The following ARHGEF3 variants were observed in gnomAD, a reference collection of about 807,000 sequenced individuals.
ARHGEF3 encodes the protein 59.8 kDA protein.
A neutral mutation model predicts 63.2 loss-of-function variants in ARHGEF3; 28 were observed. The observed-to-expected ratio is 0.44, with a 90% CI of 0.33 to 0.61. The LOEUF is 0.61. Among genes scored for constraint, ARHGEF3 ranks in the 20% least tolerant of loss-of-function variants. ARHGEF3 has a pLI of 0.03. For synonymous variants in ARHGEF3, 266 were observed against 254.2 expected (o/e 1.05, Z -0.44); for missense variants, 533 against 659.3 (o/e 0.81, Z 2.10).
At chr3:56,841,426 A>T (rs2039304400) in intron 4 of ARHGEF3, among the ~76,000 whole-genome samples, 1 of 152,148 alleles carries the variant, frequency 6.6e-6, no homozygotes, top group Non-Finnish European at 1.5e-5. Context: ...GACATAACTT[A>T]CCCAGTTAGT....
chr3:56,973,605 G>C (rs1301177868), intron 2 of ARHGEF3, among the ~76,000 whole-genome samples: 5 of 152,044 alleles, frequency 3.3e-5, no homozygotes, highest in Admixed American at 2.6e-4. Context: ...ATGAGGGTAG[G>C]AGGAAAACCA....
intron 4 of ARHGEF3, among the ~76,000 whole-genome samples, chr3:56,838,934 A>C (rs1451274789): frequency 6.7e-6 from 1 of 148,618 alleles, no homozygotes; most frequent in South Asian, 2.2e-4. Context: ...GTTCAAGACC[A>C]GCCTAGGCAA....
rs34620976 is a variant in ARHGEF3 at position 56,789,020 on chromosome 3, ATGCTGCTGCTGCTGCTGCTGCTGC to A, written c.96+12659_96+12682del. Reference sequence around the variant, plus strand: ...CTCAACTGATCTACGTTCAAGATAGATGCTGCTGCTGCTGCTGCTGCTGCTGCTGCTGCTGCTGCTGCTGCTGCT... The same window carrying A: ...CTCAACTGATCTACGTTCAAGATAGATGCTGCTGCTGCTGCTGCTGCTGCT... On this transcript the variant is annotated intron_variant, in intron 1 of 9. Transcript: ENST00000296315. Among the ~76,000 whole-genome samples the A allele has an allele frequency of 6.5e-3, 976 of 149,218 alleles. 10 individuals are homozygous for A. The highest frequency in any genetic ancestry group is 0.022 in the African/African-American group (871 of 40,380).
chr3:56,731,211 T>C (rs113277818), intron 9 of ARHGEF3, among the ~76,000 whole-genome samples: 3 of 152,308 alleles, frequency 2.0e-5, no homozygotes, highest in African/African-American at 7.2e-5. Context: ...CAAACGTTAC[T>C]TTCTCAGAGA....
chr3:56,950,080 G>T (rs962901764), intron 3 of ARHGEF3, among the ~76,000 whole-genome samples: 112 of 152,152 alleles, frequency 7.4e-4, no homozygotes, highest in Non-Finnish European at 1.3e-3. Context: ...CTAGCCATAT[G>T]TAGAAAGCTG....
chr3:57,016,132 A>G (rs1265366841), intron 2 of ARHGEF3, among the ~76,000 whole-genome samples: 4 of 152,132 alleles, frequency 2.6e-5, no homozygotes, highest in African/African-American at 7.2e-5. Context: ...TGTGACCTCT[A>G]CTGAAATCCA....
At chr3:56,955,188 T>C (rs1699991522) in intron 3 of ARHGEF3, among the ~76,000 whole-genome samples, 1 of 151,880 alleles carries the variant, frequency 6.6e-6, no homozygotes, top group Non-Finnish European at 1.5e-5. Flanking sequence ...TTTCTTTTTT[T>C]TTTTTTTCTT....
intron 7 of ARHGEF3, among the ~76,000 whole-genome samples, chr3:56,741,792 C>T (rs574210309): frequency 6.6e-6 from 1 of 152,214 alleles, no homozygotes; most frequent in South Asian, 2.1e-4. Flanking sequence ...CGTGAGCCAC[C>T]GCGCCCAGCT....
At chr3:57,041,070 T>C (rs891295752) in intron 1 of ARHGEF3, among the ~76,000 whole-genome samples, 3 of 152,210 alleles carry the variant, frequency 2.0e-5, no homozygotes, top group African/African-American at 7.2e-5. Context: ...TGATTGCTAA[T>C]AGGACCAAAC....
intron 3 of ARHGEF3, among the ~76,000 whole-genome samples, chr3:56,936,058 G>A (rs1005387049): frequency 1.3e-5 from 2 of 152,118 alleles, no homozygotes; most frequent in African/African-American, 4.8e-5. Flanking sequence ...CCAGCTGACT[G>A]CCCACCACTT....
intron 2 of ARHGEF3, among the ~76,000 whole-genome samples, chr3:56,769,284 C>A (rs535208640): frequency 2.0e-5 from 3 of 152,292 alleles, no homozygotes; most frequent in Admixed American, 6.5e-5. Flanking sequence ...TGGCCAAAGG[C>A]GAGCTCGCCT....
chr3:56,915,299 CA>C (rs5849175), intron 3 of ARHGEF3, among the ~76,000 whole-genome samples: 142,152 of 151,524 alleles, frequency 0.94, 67,012 homozygotes, highest in Non-Finnish European at 0.99. Context: ...CACGTCTCCA[CA>C]AAAAAAAATG....
chr3:56,969,895 C>T lies in ARHGEF3; in HGVS notation c.63-11006G>A, dbSNP rs142416457. ...GAATGAAGTACTGATACATGCCACA[C>T]CATGGAAGAATCTTGAAAACATGCA... On this transcript the variant is annotated intron_variant, in intron 2 of 12. Coordinates refer to the ARHGEF3 transcript ENST00000338458. Among the ~76,000 whole-genome samples, 4 of 152,012 alleles carry T rather than the reference C, an allele frequency of 2.6e-5. No homozygotes were observed. The East Asian group carries it at 7.7e-4, about 29-fold the overall frequency.
chr3:56,805,197 C>T (rs577122174), upstream of ARHGEF3, among the ~76,000 whole-genome samples: 1 of 152,256 alleles, frequency 6.6e-6, no homozygotes, highest in Non-Finnish European at 1.5e-5. Flanking sequence ...TCTGACATAC[C>T]ATAAATCCAG....
chr3:57,039,136 G>A (rs886338934), intron 1 of ARHGEF3, among the ~76,000 whole-genome samples: 1 of 152,130 alleles, frequency 6.6e-6, no homozygotes, highest in African/African-American at 2.4e-5. Flanking sequence ...TTTCTCCCCA[G>A]CTAAAAACTC....
At chr3:56,978,002 T>A (rs1701188091) in intron 2 of ARHGEF3, among the ~76,000 whole-genome samples, 1 of 151,898 alleles carries the variant, frequency 6.6e-6, no homozygotes. Flanking sequence ...CAAAAAGCAA[T>A]CCTGTCAACA....
At chr3:56,782,835 G>T (rs2036623892) in intron 1 of ARHGEF3, among the ~76,000 whole-genome samples, 1 of 152,168 alleles carries the variant, frequency 6.6e-6, no homozygotes, top group South Asian at 2.1e-4. Context: ...AAGTGCTAAA[G>T]AGCAGATGAT....
At chr3:56,792,113 A>AAAAAGAAAAGAAAAGAAAAG (rs373883575) in intron 1 of ARHGEF3, among the ~76,000 whole-genome samples, 6 of 139,984 alleles carry the variant, frequency 4.3e-5, no homozygotes, top group African/African-American at 1.8e-4. Context: ...CAAAAAAAAA[A>AAAAAGAAAAGAAAAGAAAAG]AAAAGAAAAG....
At chr3:57,078,848 C>T (rs1706335041) in intron 1 of ARHGEF3, 1 of 177,612 alleles carries the variant, frequency 5.6e-6, no homozygotes, top group African/African-American at 2.3e-5. Context: ...GGACAGGTGG[C>T]ACCTCCCTCC....
Sources: gnomAD v4.1 joint callset for allele counts (sites outside exome capture counted in the v4.1 genomes callset) on GRCh38, gnomAD v4.1.1 for gene constraint, MANE v1.5 for transcripts, NCBI Gene and HGNC (gene_info 2026-07-23, HGNC 2026-07-21) for gene names.